The following MORN1 variants were observed in gnomAD, a reference collection of about 807,000 sequenced individuals.
The protein encoded by MORN1 is MORN repeat containing 1, also known as MORN repeat-containing protein 1.
In MORN1, 67 loss-of-function variants were observed where a neutral mutation model predicts 61.9. The observed-to-expected ratio is 1.08, with a 90% CI of 0.89 to 1.33. The LOEUF is 1.33. Ranked by LOEUF, MORN1 falls within the 40% of genes most tolerant of loss-of-function variation. The probability of loss-of-function intolerance (pLI) is 0.00; values close to 1 mark genes in which losing one functional copy is unlikely to be tolerated. For missense variants in MORN1, 752 were observed against 691.2 expected (o/e 1.09, Z -0.99); for synonymous variants, 301 against 292.0 (o/e 1.03, Z -0.31).
chr1:2,385,011 C>T lies in MORN1; in HGVS notation c.504G>A (p.Gly168=). 1 of 1,597,104 alleles carries T rather than the reference C, an allele frequency of 6.3e-7. No individual in the cohort carries two copies. Among genetic ancestry groups the T allele is most frequent in the Non-Finnish European group, 8.5e-7 (1 of 1,173,492 alleles). The change falls in exon 6 of 14, where the codon GGG becomes GGA. Residue 168 remains glycine (G), a synonymous_variant. Coordinates refer to ENST00000378531, the MANE Select transcript of MORN1 (RefSeq NM_024848.3). ...DWVRDRRQGH[G]VLRCADGSTY... is the part of the protein sequence containing the mutation. ...TGGAGCCGTCGGCGCAGCGCAGCAC[C>T]CCGTGTCCCTGACGCCGGTCCCGGA...
chr1:2,321,451 C>T lies in MORN1; in HGVS notation c.1426G>A (p.Gly476Ser). ...AGQPPHVLEE[G>S]PEASSSWQAA... ...TGCCAGCTGCTTGAGGCTTCAGGGC[C>T]TTCTTCCAGGACATGGGGTGGCTGG... is the stretch of plus-strand genomic sequence containing the variant. Residue 476 changes from glycine (G) to serine (S), a missense_variant, in exon 14 of 14, where the codon GGC becomes AGC. Gly to Ser is a moderately conservative substitution (Grantham distance 56). Coordinates refer to ENST00000378531, the MANE Select transcript of MORN1 (RefSeq NM_024848.3). 4 of 1,541,106 alleles carry T rather than the reference C, an allele frequency of 2.6e-6. No individual in the cohort carries two copies. Among genetic ancestry groups the T allele is most frequent in the Non-Finnish European group, 3.5e-6 (4 of 1,142,650 alleles).
At chr1:2,383,506 G>A (rs1159044607) in intron 6 of MORN1, among the ~76,000 whole-genome samples, 1 of 152,226 alleles carries the variant, frequency 6.6e-6, no homozygotes, top group African/African-American at 2.4e-5. Context: ...TTTCATAGGA[G>A]AATCTTGGCA....
Position 2,391,467 on chromosome 1 carries a change from G to A in MORN1, c.67C>T (p.Pro23Ser). ...GGCCCGCAGTCGTTACCGTTCCGGGGCGGCCGCCTAGGCGGGTCCCGACGC... is the reference window on the plus strand; with the variant it reads ...GGCCCGCAGTCGTTACCGTTCCGGGACGGCCGCCTAGGCGGGTCCCGACGC... Reference protein sequence around the residue: ...GPRRDPPRRPPRNGYGVYVYP... With the variant: ...GPRRDPPRRPSRNGYGVYVYP... The change falls in exon 1 of 14, where the codon CCC becomes TCC. Residue 23 changes from proline to serine, a missense_variant. Transcript: ENST00000378531. 1 of 1,255,358 alleles carries A rather than the reference G, an allele frequency of 8.0e-7. No individual in the cohort carries two copies. 77.8% of individuals were successfully genotyped at this position (1,255,358 alleles called of 1,614,324 possible).
At chr1:2,344,894 G>C (rs1264370417) in intron 10 of MORN1, among the ~76,000 whole-genome samples, 1 of 152,240 alleles carries the variant, frequency 6.6e-6, no homozygotes, top group African/African-American at 2.4e-5. Context: ...CTCTCTGTTG[G>C]CACAAAGCGA....
intron 3 of MORN1, chr1:2,387,901 G>C: frequency 2.4e-6 from 1 of 421,556 alleles, no homozygotes; most frequent in Non-Finnish European, 4.3e-6. Flanking sequence ...GTGAGGGTCT[G>C]AGGTTCCTGG....
chr1:2,380,983 C>T (rs1293951566), intron 6 of MORN1, among the ~76,000 whole-genome samples: 6 of 152,250 alleles, frequency 3.9e-5, no homozygotes, highest in South Asian at 2.1e-4. Context: ...GCTGCCTCTC[C>T]GGGTCGATGC....
At chr1:2,382,764 A>T (rs1196930803) in intron 6 of MORN1, among the ~76,000 whole-genome samples, 1 of 152,080 alleles carries the variant, frequency 6.6e-6, no homozygotes, top group Non-Finnish European at 1.5e-5. Flanking sequence ...GAGAACCCGC[A>T]GCACCAGCCC....
Position 2,325,762 on chromosome 1 carries a change from C to T in MORN1, c.1251-1619G>A, listed in dbSNP as rs1409532493. Among the ~76,000 whole-genome samples the T allele has an allele frequency of 4.0e-5, 6 of 150,340 alleles. No individual in the cohort carries two copies. The Admixed American group carries it at 4.0e-4, about 10-fold the overall frequency. ...TCAACCTCCCAAGTAGCTAAGATTACAGGCACGTGCCATCATGCTCAGCTA... is the reference window on the plus strand; with the variant it reads ...TCAACCTCCCAAGTAGCTAAGATTATAGGCACGTGCCATCATGCTCAGCTA... On this transcript the variant is annotated intron_variant, in intron 12 of 13. Coordinates refer to ENST00000378531, the MANE Select transcript of MORN1 (RefSeq NM_024848.3).
At chr1:2,336,069 C>T (rs1641268611) in intron 12 of MORN1, among the ~76,000 whole-genome samples, 1 of 152,222 alleles carries the variant, frequency 6.6e-6, no homozygotes, top group Non-Finnish European at 1.5e-5. Flanking sequence ...CCTGGTCCCA[C>T]TCCTGTCCTC....
Position 2,388,356 on chromosome 1 carries a change from A to G in MORN1, c.149-19T>C. ...CCGTGACCTGGCAGGAGAAATCGTC[A>G]CGTGAACTCAGACAGTGGTTGGGTT... On this transcript the variant is annotated intron_variant, in intron 2 of 13. Transcript: ENST00000378531. 6.3e-7 allele frequency: 1 copy of G among 1,598,578 alleles called. No homozygotes were observed. The highest frequency in any genetic ancestry group is 8.6e-7 in the Non-Finnish European group (1 of 1,166,126).
chr1:2,337,224 G>A lies in MORN1; in HGVS notation c.1037-374C>T, dbSNP rs532855121. Among the ~76,000 whole-genome samples, 120 of 152,320 alleles carry A rather than the reference G, an allele frequency of 7.9e-4. 1 individual carries two copies. Among genetic ancestry groups the A allele is most frequent in the African/African-American group, 2.7e-3 (112 of 41,570 alleles). On this transcript the variant is annotated intron_variant, in intron 10 of 13. Coordinates refer to ENST00000378531, the MANE Select transcript of MORN1 (RefSeq NM_024848.3). The surrounding 1 kb of genome is among the most constrained non-coding windows in gnomAD (Gnocchi z 5.7). Reference sequence around the variant, plus strand: ...CGGGGCCCTGGCCGGAGAGGCTGGCGCTCAACAGTACAGCTGTGTGCCCTC... The same window carrying A: ...CGGGGCCCTGGCCGGAGAGGCTGGCACTCAACAGTACAGCTGTGTGCCCTC...
intron 10 of MORN1, among the ~76,000 whole-genome samples, chr1:2,344,980 A>G (rs11590175): frequency 0.23 from 34,789 of 149,664 alleles, 4,109 homozygotes; most frequent in African/African-American, 0.26. Flanking sequence ...GGCCACACAC[A>G]CCCTGAAAAC....
chr1:2,386,115 G>A, intron 4 of MORN1: 2 of 566,570 alleles, frequency 3.5e-6, no homozygotes, highest in Admixed American at 3.0e-5. Flanking sequence ...GGGCAGATGT[G>A]CTTTGGGACA....
chr1:2,391,306 A>AGTGGGGGAC (rs1386527419), intron 1 of MORN1, 152 bp downstream of exon 1: 1 of 861,300 alleles, frequency 1.2e-6, no homozygotes, highest in African/African-American at 1.8e-5. Flanking sequence ...GTCCTGTGGG[A>AGTGGGGGAC]GTGGGGGACG....
intron 10 of MORN1, among the ~76,000 whole-genome samples, chr1:2,342,481 C>T (rs1641415266): frequency 6.6e-6 from 1 of 152,246 alleles, no homozygotes; most frequent in South Asian, 2.1e-4. Context: ...AGACACAGGG[C>T]ATTAGTCTTT....
At chr1:2,329,046 C>T (rs1641093679) in intron 12 of MORN1, among the ~76,000 whole-genome samples, 1 of 152,226 alleles carries the variant, frequency 6.6e-6, no homozygotes, top group Non-Finnish European at 1.5e-5. Context: ...CCACCGTGGA[C>T]ACCCAGGTGC....
chr1:2,388,723 A>G lies in MORN1; in HGVS notation c.149-386T>C, dbSNP rs1437896264. ...GAGTCAGGAGGTTGAGGCTGCAGAG[A>G]GCCATGATTGCATCACTGCACTCCA... On this transcript the variant is annotated intron_variant, in intron 2 of 13. Coordinates refer to ENST00000378531, the MANE Select transcript of MORN1 (RefSeq NM_024848.3). Among the ~76,000 whole-genome samples the G allele has an allele frequency of 6.2e-5, 9 of 146,084 alleles. No individual in the cohort carries two copies. In the Admixed American group the frequency reaches 6.3e-4, roughly 10 times the overall value.
At chr1:2,348,074 C>G (rs993855159) in intron 10 of MORN1, among the ~76,000 whole-genome samples, 4 of 152,212 alleles carry the variant, frequency 2.6e-5, no homozygotes, top group Non-Finnish European at 5.9e-5. Context: ...GGAAGGAGAT[C>G]AGCCTGGGAC....
chr1:2,345,213 T>G (rs1031537203), intron 10 of MORN1, among the ~76,000 whole-genome samples: 3 of 152,238 alleles, frequency 2.0e-5, no homozygotes, highest in African/African-American at 7.2e-5. Context: ...CGCACAGGCA[T>G]GGGCGGTCCC....
Sources: allele counts gnomAD v4.1 joint callset (sites outside exome capture counted in the v4.1 genomes callset), GRCh38; gene constraint gnomAD v4.1.1; non-coding constraint Gnocchi (gnomAD v3.1); transcripts MANE v1.5; gene names NCBI Gene and HGNC (gene_info 2026-07-23, HGNC 2026-07-21).